Variants in PTGER3 observed in about 807,000 individuals in gnomAD.
PTGER3 encodes the protein prostaglandin E2 receptor EP3 subtype.
PTGER3 carries 22 observed loss-of-function variants against 34.7 expected under a neutral mutation model. The observed-to-expected ratio is 0.63, with a 90% CI of 0.45 to 0.91. PTGER3 has a LOEUF of 0.91. Ranked by LOEUF, PTGER3 falls within the 40% of genes least tolerant of loss-of-function variation. The pLI is 0.00. For missense variants in PTGER3, 468 were observed against 519.4 expected (o/e 0.90, Z 0.96); for synonymous variants, 241 against 230.1 (o/e 1.05, Z -0.43).
intron 1 of PTGER3, among the ~76,000 whole-genome samples, chr1:71,033,619 C>A (rs1359353881): frequency 6.6e-6 from 1 of 152,168 alleles, no homozygotes; most frequent in Non-Finnish European, 1.5e-5. Context: ...TAAACAAATA[C>A]TGATTGCATG....
rs1458843445 is a variant in PTGER3 at position 70,959,376 on chromosome 1, A to G, written c.1078-5587T>C. On this transcript the variant is annotated intron_variant, in intron 2 of 3. Transcript: ENST00000356595. ...AATTTTTTTTTTTTTTTTGAGATGG[A>G]GTCTCACTCTGTTGCCCAGGCTGCT... Among the ~76,000 whole-genome samples the G allele has an allele frequency of 2.1e-5, 3 of 142,978 alleles. No homozygotes were observed. In the South Asian group the frequency reaches 6.6e-4, roughly 31 times the overall value. The allele number at this position is 142,978 out of a possible 152,430, so 93.8% of individuals were successfully genotyped here.
At chr1:70,885,443 A>G (rs1467528385) in intron 4 of PTGER3, among the ~76,000 whole-genome samples, 6 of 152,156 alleles carry the variant, frequency 3.9e-5, no homozygotes, top group Non-Finnish European at 5.9e-5. Flanking sequence ...GTTCCATAAG[A>G]CTTTATGATC....
chr1:70,915,231 T>C (rs2100412278), intron 4 of PTGER3, among the ~76,000 whole-genome samples: 1 of 152,062 alleles, frequency 6.6e-6, no homozygotes, highest in South Asian at 2.1e-4. Flanking sequence ...CATTTTCTGT[T>C]ACAATCAATG....
intron 2 of PTGER3, among the ~76,000 whole-genome samples, chr1:70,996,310 A>G (rs957118682): frequency 2.6e-5 from 4 of 152,074 alleles, no homozygotes; most frequent in African/African-American, 7.2e-5. Context: ...AAAAAAAAAT[A>G]CCCATTCTAT....
chr1:71,035,395 C>T (rs1398513596), intron 1 of PTGER3, among the ~76,000 whole-genome samples: 2 of 152,224 alleles, frequency 1.3e-5, no homozygotes, highest in South Asian at 4.1e-4. Context: ...ATTCCCAGCA[C>T]ATCTGGTTCA....
intron 4 of PTGER3, among the ~76,000 whole-genome samples, chr1:70,916,215 A>G (rs1276011449): frequency 6.6e-6 from 1 of 152,064 alleles, no homozygotes; most frequent in Non-Finnish European, 1.5e-5. Context: ...AATGGCTATT[A>G]AAAAGTCAAA....
chr1:70,866,648 TA>T (rs1646048477), intron 4 of PTGER3, among the ~76,000 whole-genome samples: 1 of 152,142 alleles, frequency 6.6e-6, no homozygotes, highest in South Asian at 2.1e-4. Flanking sequence ...AAGCATTTGG[TA>T]AAACCTTGGG....
intron 2 of PTGER3, among the ~76,000 whole-genome samples, chr1:70,977,107 C>T (rs373391527): frequency 1.3e-5 from 2 of 152,074 alleles, no homozygotes; most frequent in East Asian, 1.9e-4. Context: ...TATTTAACTG[C>T]GTATTTGGAG....
chr1:71,046,617 A>G, intron 1 of PTGER3, 64 bp downstream of exon 1: 1 of 1,488,270 alleles, frequency 6.7e-7, no homozygotes, highest in Non-Finnish European at 8.9e-7. Flanking sequence ...CCACTTAGCA[A>G]AGTCTTAGGT....
chr1:70,991,960 T>A (rs1158729872), intron 2 of PTGER3, among the ~76,000 whole-genome samples: 1 of 152,164 alleles, frequency 6.6e-6, no homozygotes, highest in African/African-American at 2.4e-5. Flanking sequence ...CTTTAAACAA[T>A]AATAATAGGC....
intron 1 of PTGER3, among the ~76,000 whole-genome samples, chr1:71,024,047 G>T (rs576004520): frequency 1.3e-5 from 2 of 149,620 alleles, no homozygotes; most frequent in Non-Finnish European, 2.9e-5. Flanking sequence ...ACATTGCCCT[G>T]AGTATAAAGT....
chr1:70,940,725 C>T (rs921126213), intron 4 of PTGER3, among the ~76,000 whole-genome samples: 1 of 152,148 alleles, frequency 6.6e-6, no homozygotes, highest in Non-Finnish European at 1.5e-5. Context: ...TTACCTCCCC[C>T]TGGGCCCCTC....
At chr1:71,039,939 C>T (rs1008080801) in intron 1 of PTGER3, among the ~76,000 whole-genome samples, 1 of 152,000 alleles carries the variant, frequency 6.6e-6, no homozygotes, top group East Asian at 1.9e-4. Context: ...AAAGTATTTT[C>T]ATAGTACTGT....
At chr1:70,856,138 T>G (rs933670614) in intron 4 of PTGER3, among the ~76,000 whole-genome samples, 3 of 152,294 alleles carry the variant, frequency 2.0e-5, no homozygotes, top group Non-Finnish European at 4.4e-5. Context: ...TTCCAAGGTG[T>G]CTATCACTAT....
At chr1:71,045,804 C>T (rs1660721978) in intron 1 of PTGER3, among the ~76,000 whole-genome samples, 1 of 152,022 alleles carries the variant, frequency 6.6e-6, no homozygotes, top group East Asian at 1.9e-4. Flanking sequence ...GTCGTTCGGG[C>T]ACTTCCTAGA....
chr1:70,896,279 G>C (rs1472943501), intron 4 of PTGER3, among the ~76,000 whole-genome samples: 2 of 152,138 alleles, frequency 1.3e-5, no homozygotes, highest in East Asian at 3.9e-4. Flanking sequence ...GTTTCGAGGA[G>C]GACATTAGGG....
chr1:70,998,369 A>G (rs1656168349), intron 2 of PTGER3: 1 of 152,240 alleles, frequency 6.6e-6, no homozygotes, highest in Non-Finnish European at 1.5e-5. Context: ...TGGGAAAGCT[A>G]TTTAAGTCCT....
At chr1:70,895,597 C>A (rs1265822182) in intron 4 of PTGER3, among the ~76,000 whole-genome samples, 1 of 152,146 alleles carries the variant, frequency 6.6e-6, no homozygotes, top group Admixed American at 6.5e-5. Flanking sequence ...AATAAAGATG[C>A]TTTAGAATGC....
At chr1:70,929,403 G>C (rs1440828327) in intron 4 of PTGER3, among the ~76,000 whole-genome samples, 6 of 145,930 alleles carry the variant, frequency 4.1e-5, no homozygotes, top group Non-Finnish European at 7.7e-5. Flanking sequence ...TGTGTAGATG[G>C]AGAGAATAGA....
Sources: gnomAD v4.1 joint callset for allele counts (sites outside exome capture counted in the v4.1 genomes callset) on GRCh38, gnomAD v4.1.1 for gene constraint, MANE v1.5 for transcripts, NCBI Gene and HGNC (gene_info 2026-07-23, HGNC 2026-07-21) for gene names.